Variants in EFHC1 observed in about 807,000 individuals in gnomAD.
EFHC1 encodes the protein EF-hand domain-containing protein 1.
Under a neutral mutation model 69.9 loss-of-function variants are expected in EFHC1, and 53 were observed. The ratio of observed to expected loss-of-function variants is 0.76; its 90% CI spans 0.61 to 0.95. The LOEUF (loss-of-function observed/expected upper bound fraction) is 0.95. Ranked by LOEUF, EFHC1 falls within the 40% of genes least tolerant of loss-of-function variation. The probability of loss-of-function intolerance (pLI) is 0.00; values close to 1 mark genes in which losing one functional copy is unlikely to be tolerated. For synonymous variants in EFHC1, 256 were observed against 278.4 expected (o/e 0.92, Z 0.80); for missense variants, 739 against 798.7 (o/e 0.93, Z 0.90).
intron 7 of EFHC1, among the ~76,000 whole-genome samples, chr6:52,473,047 ATAATT>A (rs1443263518): frequency 1.3e-5 from 2 of 152,338 alleles, no homozygotes; most frequent in African/African-American, 2.4e-5. Context: ...AATTGATTCT[ATAATT>A]TAAGTGGAGA....
chr6:52,445,394 A>G (rs1314759480), intron 3 of EFHC1, among the ~76,000 whole-genome samples: 2 of 151,676 alleles, frequency 1.3e-5, no homozygotes. Context: ...AGTGTGCTGC[A>G]CCCACTAACT....
chr6:52,471,031 A>G lies in EFHC1; in HGVS notation c.1278+1558A>G, dbSNP rs562220497. Among the ~76,000 whole-genome samples, 234 of 152,332 alleles carry G rather than the reference A, an allele frequency of 1.5e-3. 1 individual carries two copies. The highest frequency in any genetic ancestry group is 5.5e-3 in the African/African-American group (229 of 41,588). ...TATGTGTATGTTTATGTGTGTTAGC[A>G]CTTGAAGGTGCTGGACAACTAGCAA... On this transcript the variant is annotated intron_variant, in intron 7 of 10. Coordinates refer to ENST00000371068, the MANE Select transcript of EFHC1 (RefSeq NM_018100.4).
In EFHC1 at chr6:52,453,888, T is replaced by C. The variant is rs1484098969; in HGVS notation, c.724-207T>C. On this transcript the variant is annotated intron_variant, in intron 4 of 10. Transcript: ENST00000371068. ...CAAACTTATAATCCTATTATTTAAT[T>C]CTTTCCAGCTGCTGACATATAGTAC... 2.1e-6 allele frequency: 3 copies of C among 1,414,258 alleles called. No individual in the cohort carries two copies. In the East Asian group the frequency reaches 1.0e-4, roughly 47 times the overall value. The allele number at this position is 1,414,258 out of a possible 1,614,324, so 87.6% of individuals were successfully genotyped here. A position where few individuals can be genotyped will look rare whatever the true frequency, so the allele number is the denominator to read the frequency against.
intron 5 of EFHC1, among the ~76,000 whole-genome samples, chr6:52,462,729 A>C (rs1206782555): frequency 2.0e-5 from 3 of 151,982 alleles, no homozygotes; most frequent in African/African-American, 7.2e-5. Context: ...TTCTACTAAA[A>C]ATGCAAAAAT....
chr6:52,421,016 C>T (rs1049783207), intron 1 of EFHC1: 13 of 1,015,574 alleles, frequency 1.3e-5, no homozygotes, highest in African/African-American at 1.7e-5. Flanking sequence ...CCACTCCCAG[C>T]TCCATTTCCT....
chr6:52,427,290 T>A (rs1764321271), intron 2 of EFHC1, among the ~76,000 whole-genome samples: 1 of 152,206 alleles, frequency 6.6e-6, no homozygotes, highest in Admixed American at 6.5e-5. Context: ...GAGCTGGCCC[T>A]CCCTGCTCTC....
chr6:52,459,925 C>T (rs1487159508), intron 5 of EFHC1, among the ~76,000 whole-genome samples: 3 of 152,166 alleles, frequency 2.0e-5, no homozygotes, highest in African/African-American at 7.2e-5. Flanking sequence ...CCACCCGCCT[C>T]GGCCTCCCAA....
intron 10 of EFHC1, 63 bp from the exon 11 acceptor site, chr6:52,492,207 T>C: frequency 7.0e-7 from 1 of 1,433,910 alleles, no homozygotes; most frequent in Non-Finnish European, 9.8e-7. Context: ...AAGCGCACTC[T>C]GCAGTTGAGC....
Position 52,492,697 on chromosome 6 carries a change from C to G in EFHC1, c.*356C>G, listed in dbSNP as rs558716728. The G allele has an allele frequency of 1.1e-5, 5 of 441,290 alleles. No individual in the cohort carries two copies. Among genetic ancestry groups the G allele is most frequent in the Non-Finnish European group, 1.8e-5 (4 of 222,786 alleles). 27.3% of individuals were successfully genotyped at this position (441,290 alleles called of 1,614,324 possible). On this transcript the variant is annotated 3_prime_UTR_variant, in exon 11 of 11. Transcript: ENST00000371068. Reference sequence around the variant, plus strand: ...TGGCACTATCCTAGTTCTATGAAGCCTCAGACTCCTGGGCTCAAGTGATCC... The same window carrying G: ...TGGCACTATCCTAGTTCTATGAAGCGTCAGACTCCTGGGCTCAAGTGATCC...
chr6:52,478,226 G>T lies in EFHC1; in HGVS notation c.1279-811G>T, dbSNP rs1328551472. Among the ~76,000 whole-genome samples, 5 of 151,542 alleles carry T rather than the reference G, an allele frequency of 3.3e-5. No individual in the cohort carries two copies. The East Asian group carries it at 9.7e-4, about 29-fold the overall frequency. On this transcript the variant is annotated intron_variant, in intron 7 of 10. Coordinates refer to ENST00000371068, the MANE Select transcript of EFHC1 (RefSeq NM_018100.4). Reference sequence around the variant, plus strand: ...CACTCATAGGTGGGAATTGAACAATGAGATCACATGGACACAGGAAGGGGA... The same window carrying T: ...CACTCATAGGTGGGAATTGAACAATTAGATCACATGGACACAGGAAGGGGA...
rs371274171 is a variant in EFHC1, at chr6:52,420,366, A to C, written c.-45A>C. ...CACTGCTTGTCGCCTGGGCAACCGG[A>C]GAGGACGAAGCAGGACCTAGGTGGC... On this transcript the variant is annotated 5_prime_UTR_variant, in exon 1 of 11. Coordinates refer to ENST00000371068, the MANE Select transcript of EFHC1 (RefSeq NM_018100.4). 9.2e-5 allele frequency: 149 copies of C among 1,613,664 alleles called. No homozygotes were observed. The highest frequency in any genetic ancestry group is 1.2e-4 in the Non-Finnish European group (143 of 1,179,648).
chr6:52,421,541 G>A (rs1478867381), intron 1 of EFHC1, among the ~76,000 whole-genome samples: 1 of 152,058 alleles, frequency 6.6e-6, no homozygotes, highest in Non-Finnish European at 1.5e-5. Flanking sequence ...ATGAGATTCA[G>A]TAGACTGATC....
rs1161197148 is a variant in EFHC1 at position 52,492,797 on chromosome 6, T to C, written c.*456T>C. The C allele has an allele frequency of 4.6e-6, 2 of 437,120 alleles. No homozygotes were observed. Among genetic ancestry groups the C allele is most frequent in the South Asian group, 3.3e-5 (2 of 60,888 alleles). The allele number at this position is 437,120 out of a possible 1,614,324, so 27.1% of individuals were successfully genotyped here. ...GCCCAGCTAATTTTTAAAATTATTT[T>C]GTAGAGACAAGGTCTTGCTAGGTTG... On this transcript the variant is annotated 3_prime_UTR_variant, in exon 11 of 11. Coordinates refer to ENST00000371068, the MANE Select transcript of EFHC1 (RefSeq NM_018100.4).
Position 52,479,631 on chromosome 6 carries a change from T to C in EFHC1, c.1493-9T>C. 6.2e-7 allele frequency: 1 copy of C among 1,614,208 alleles called. No homozygotes were observed. Among genetic ancestry groups the C allele is most frequent in the Non-Finnish European group, 8.5e-7 (1 of 1,180,026 alleles). Reference sequence around the variant, plus strand: ...CACCAAGCTAAGTGTGTTGCTACCTTCTCTCCAGTGTTTGGTCACCGGTTC... The same window carrying C: ...CACCAAGCTAAGTGTGTTGCTACCTCCTCTCCAGTGTTTGGTCACCGGTTC... On this transcript the variant is annotated splice_polypyrimidine_tract_variant and intron_variant, in intron 8 of 10. Transcript: ENST00000371068.
intron 1 of EFHC1, chr6:52,423,669 T>TTC: frequency 2.4e-5 from 11 of 451,600 alleles, no homozygotes; most frequent in South Asian, 9.3e-5. Context: ...TTTTTTTTTT[T>TTC]TTTTTTTTTT....
intron 9 of EFHC1, chr6:52,483,541 CATATT>C (rs1765723918): frequency 6.6e-6 from 1 of 152,206 alleles, no homozygotes; most frequent in Middle Eastern, 3.2e-3. Flanking sequence ...GTTCTGCACT[CATATT>C]ATGCAGAAAT....
chr6:52,483,131 A>G, intron 9 of EFHC1: 1 of 335,882 alleles, frequency 3.0e-6, no homozygotes, highest in Non-Finnish European at 5.3e-6. Context: ...GTTTAATTAC[A>G]TTGTGGTTAG....
chr6:52,421,265 G>T (rs1460812670), intron 1 of EFHC1, among the ~76,000 whole-genome samples: 1 of 152,100 alleles, frequency 6.6e-6, no homozygotes, highest in Non-Finnish European at 1.5e-5. Context: ...GTTCCCTCAA[G>T]AATTGATTAG....
intron 2 of EFHC1, among the ~76,000 whole-genome samples, chr6:52,426,817 T>C (rs1581811307): frequency 6.6e-6 from 1 of 152,336 alleles, no homozygotes; most frequent in South Asian, 2.1e-4. Flanking sequence ...TTTCATTTCC[T>C]CTGCCACTAT....
Sources: allele counts gnomAD v4.1 joint callset (sites outside exome capture counted in the v4.1 genomes callset), GRCh38; gene constraint gnomAD v4.1.1; transcripts MANE v1.5; gene names NCBI Gene and HGNC (gene_info 2026-07-23, HGNC 2026-07-21).